ATP8B4: variants seen among roughly 807,000 people sequenced by gnomAD.
The protein encoded by ATP8B4 is probable phospholipid-transporting ATPase IM.
A neutral mutation model predicts 145.6 loss-of-function variants in ATP8B4; 133 were observed. That is an observed-to-expected ratio of 0.91 (90% CI 0.79 to 1.05). The LOEUF is 1.05. Ranked by LOEUF, ATP8B4 falls within the 50% of genes least tolerant of loss-of-function variation. The pLI, the probability that ATP8B4 is intolerant of heterozygous loss-of-function variation, is 0.00. For missense variants in ATP8B4, 1,458 were observed against 1,425.2 expected, an observed-to-expected ratio of 1.02 and a Z score of -0.37; for synonymous variants, 507 against 492.9, an observed-to-expected ratio of 1.03 and a Z score of -0.38.
intron 16 of ATP8B4, among the ~76,000 whole-genome samples, chr15:49,929,289 T>C (rs1201683698): frequency 1.3e-5 from 2 of 152,168 alleles, no homozygotes; most frequent in Non-Finnish European, 2.9e-5. Context: ...AATCTTTGCA[T>C]TTAGTCTCCT....
intron 6 of ATP8B4, among the ~76,000 whole-genome samples, chr15:50,024,228 A>C (rs572992365): frequency 6.6e-6 from 1 of 152,310 alleles, no homozygotes; most frequent in African/African-American, 2.4e-5. Context: ...GGAGAGAGTA[A>C]ACAGATTCTA....
chr15:49,892,821 G>T (rs1310709873), intron 23 of ATP8B4, among the ~76,000 whole-genome samples: 1 of 152,116 alleles, frequency 6.6e-6, no homozygotes, highest in Non-Finnish European at 1.5e-5. Context: ...TTCCCATAAA[G>T]CTAGGGCAAC....
chr15:50,168,532 T>C lies in ATP8B4; in HGVS notation c.-43+13729A>G, dbSNP rs2044626085. Among the ~76,000 whole-genome samples the C allele has an allele frequency of 2.0e-5, 3 of 152,214 alleles. No individual in the cohort carries two copies. The South Asian group carries it at 6.2e-4, about 32-fold the overall frequency. The stretch of plus-strand genomic sequence containing the variant: ...AAAGCAGCAGAAAGGCCCTGGGAGC[T>C]CGCTGGGCCCTCAAGCAGCCCATTC... On this transcript the variant is annotated intron_variant, in intron 1 of 3. Transcript: ENST00000558829.
chr15:49,950,354 T>C (rs1219529899), intron 14 of ATP8B4, among the ~76,000 whole-genome samples: 1 of 152,130 alleles, frequency 6.6e-6, no homozygotes, highest in Non-Finnish European at 1.5e-5. Context: ...ATTGGTCTAC[T>C]CAAGGATTCA....
At chr15:50,036,851 A>C (rs1256801156) in intron 6 of ATP8B4, among the ~76,000 whole-genome samples, 6 of 152,234 alleles carry the variant, frequency 3.9e-5, no homozygotes, top group Non-Finnish European at 1.5e-5. Context: ...TTCCATTCTC[A>C]ATGATAGATG....
At chr15:50,102,585 G>A (rs1326289378) in intron 2 of ATP8B4, among the ~76,000 whole-genome samples, 1 of 151,978 alleles carries the variant, frequency 6.6e-6, no homozygotes, top group Non-Finnish European at 1.5e-5. Flanking sequence ...CAAACAGTGA[G>A]ATTGAAATGG....
chr15:50,173,859 G>A (rs760683893), intron 1 of ATP8B4, among the ~76,000 whole-genome samples: 5 of 151,996 alleles, frequency 3.3e-5, no homozygotes, highest in East Asian at 1.9e-4. Flanking sequence ...ACTATAGGCC[G>A]ATATCCTGGA....
At chr15:49,938,509 G>C (rs1451012435) in intron 14 of ATP8B4, among the ~76,000 whole-genome samples, 1 of 152,024 alleles carries the variant, frequency 6.6e-6, no homozygotes, top group Non-Finnish European at 1.5e-5. Context: ...AAAAAACAAA[G>C]AAGGGCATTA....
At chr15:50,170,029 T>C (rs1376918972) in intron 1 of ATP8B4, among the ~76,000 whole-genome samples, 2 of 152,104 alleles carry the variant, frequency 1.3e-5, no homozygotes, top group Non-Finnish European at 2.9e-5. Context: ...AGTCTGGGAT[T>C]ATGTTAAATG....
rs558860011 is a variant in ATP8B4, at chr15:50,029,059, C to A, written c.362+9709G>T. Among the ~76,000 whole-genome samples, 17 of 151,756 alleles carry A rather than the reference C, an allele frequency of 1.1e-4. No homozygotes were observed. The South Asian group carries it at 1.7e-3, about 15-fold the overall frequency. On this transcript the variant is annotated intron_variant, in intron 6 of 27. Transcript: ENST00000284509. ...ACTATCCTGGCCAACATGGTAAAAC[C>A]CCGTATCTACTAAAATACAAAAAAT...
intron 16 of ATP8B4, among the ~76,000 whole-genome samples, chr15:49,930,443 G>A (rs1260333189): frequency 1.3e-5 from 2 of 152,064 alleles, no homozygotes; most frequent in Non-Finnish European, 2.9e-5. Context: ...GAGTGACATT[G>A]ACACAGCACT....
Position 49,920,179 on chromosome 15 carries a change from G to A in ATP8B4, c.1923+67C>T, listed in dbSNP as rs192431383. The A allele has an allele frequency of 9.7e-5, 150 of 1,553,844 alleles. 1 individual carries two copies. In the African/African-American group the frequency reaches 1.7e-3, roughly 18 times the overall value. On this transcript the variant is annotated intron_variant, in intron 18 of 27. Transcript: ENST00000284509. Reference sequence around the variant, plus strand: ...ATGACTTAGCCAATGGCTTATTCCTGTGCTAAATCTCTAAACACATACTAT... The same window carrying A: ...ATGACTTAGCCAATGGCTTATTCCTATGCTAAATCTCTAAACACATACTAT...
rs138873900 is a variant in ATP8B4, at chr15:49,905,164, C to T, written c.2142-3925G>A. ...ACTCAAAGTGTCTAAAATGGTTTCA[C>T]GACACTAAATTTGAAACAAGCCGTA... On this transcript the variant is annotated intron_variant, in intron 20 of 27. Coordinates refer to ENST00000284509, the MANE Select transcript of ATP8B4 (RefSeq NM_024837.4). 4.3e-4 allele frequency among the ~76,000 whole-genome samples: 65 copies of T among 152,152 alleles called. No individual in the cohort carries two copies. The East Asian group carries it at 9.5e-3, about 22-fold the overall frequency.
chr15:49,876,192 C>G, intron 25 of ATP8B4, 86 bp downstream of exon 25: 1 of 1,512,362 alleles, frequency 6.6e-7, no homozygotes, highest in Non-Finnish European at 8.9e-7. Context: ...ATTATTTCCC[C>G]CCAACAAGTA....
intron 1 of ATP8B4, among the ~76,000 whole-genome samples, chr15:50,154,052 C>A (rs1164664184): frequency 6.6e-6 from 1 of 152,188 alleles, no homozygotes; most frequent in Non-Finnish European, 1.5e-5. Flanking sequence ...CCCTTCTAAT[C>A]ATAGCCAACT....
At chr15:50,042,891 C>T (rs943537914) in intron 5 of ATP8B4, among the ~76,000 whole-genome samples, 2 of 151,990 alleles carry the variant, frequency 1.3e-5, no homozygotes, top group East Asian at 1.9e-4. Context: ...AAAAATAGAA[C>T]GAAGAGCCAA....
chr15:50,054,650 G>T (rs1319794430), intron 3 of ATP8B4, among the ~76,000 whole-genome samples: 1 of 151,754 alleles, frequency 6.6e-6, no homozygotes, highest in Non-Finnish European at 1.5e-5. Context: ...CGTGTGTGGT[G>T]GCAGGTGCCT....
At chr15:50,015,835 T>C (rs774541248) in intron 6 of ATP8B4, among the ~76,000 whole-genome samples, 11 of 152,210 alleles carry the variant, frequency 7.2e-5, no homozygotes, top group Non-Finnish European at 1.6e-4. Flanking sequence ...AATGCAGATG[T>C]TTCCCTTTTT....
intron 1 of ATP8B4, among the ~76,000 whole-genome samples, chr15:50,152,685 A>C (rs2044362723): frequency 6.6e-6 from 1 of 152,238 alleles, no homozygotes; most frequent in South Asian, 2.1e-4. Flanking sequence ...TACAGGACCA[A>C]AGAGAATCAC....
Sources: gnomAD v4.1 joint callset for allele counts (sites outside exome capture counted in the v4.1 genomes callset) on GRCh38, gnomAD v4.1.1 for gene constraint, MANE v1.5 for transcripts, NCBI Gene and HGNC (gene_info 2026-07-23, HGNC 2026-07-21) for gene names.